Variants in SYNE1 observed in about 807,000 individuals in gnomAD.
SYNE1 encodes the protein nesprin-1.
In SYNE1, 616 loss-of-function variants were observed where a neutral mutation model predicts 1,111.0. That is an observed-to-expected ratio of 0.55 (90% CI 0.52 to 0.59). The LOEUF (loss-of-function observed/expected upper bound fraction) is 0.59. SYNE1 is among the 20% of genes least tolerant of loss of function. SYNE1 has a pLI of 0.00. For missense variants in SYNE1, 10,006 were observed against 10,417.0 expected, an observed-to-expected ratio of 0.96 and a Z score of 1.72; for synonymous variants, 3,855 against 3,825.8, an observed-to-expected ratio of 1.01 and a Z score of -0.28.
chr6:152,153,310 G>C (rs536246580), intron 133 of SYNE1, among the ~76,000 whole-genome samples: 186 of 152,238 alleles, frequency 1.2e-3, no homozygotes, highest in African/African-American at 4.3e-3. Context: ...TGCCCACTGG[G>C]GTAAGGTTGG....
chr6:152,369,045 G>A lies in SYNE1; in HGVS notation c.9734C>T (p.Ala3245Val). Reference sequence around the variant, plus strand: ...TCTGTGCCTAAAGCTCTTGCTGGCAGCTTGTCCTTCCCACAGCTGCTGAGC... The same window carrying A: ...TCTGTGCCTAAAGCTCTTGCTGGCAACTTGTCCTTCCCACAGCTGCTGAGC... The part of the protein sequence containing the change: ...EKAQQLWEGQ[A>V]ASKSFRHRVS... The change falls in exon 61 of 146, where the codon GCT becomes GTT. Residue 3245 changes from alanine (A) to valine (V), a missense_variant. Physicochemically the swap from Ala to Val is moderately conservative, Grantham distance 64. This residue lies in a region of SYNE1 where 4,955 missense variants were observed against 5,017.2 expected (regional missense o/e 0.99). Coordinates refer to ENST00000367255, the MANE Select transcript of SYNE1 (RefSeq NM_182961.4). 6.2e-7 allele frequency: 1 copy of A among 1,614,220 alleles called. No homozygotes were observed. The highest frequency in any genetic ancestry group is 2.2e-5 in the East Asian group (1 of 44,880).
At chr6:152,216,168 A>G (rs2078606727) in intron 121 of SYNE1, among the ~76,000 whole-genome samples, 1 of 152,226 alleles carries the variant, frequency 6.6e-6, no homozygotes, top group Admixed American at 6.5e-5. Context: ...TGAAGAAAGA[A>G]TAAATCTCAA....
chr6:152,599,480 AG>A (rs2099591009), intron 3 of SYNE1, among the ~76,000 whole-genome samples: 1 of 152,246 alleles, frequency 6.6e-6, no homozygotes, highest in Non-Finnish European at 1.5e-5. Context: ...TAACGACAAA[AG>A]AACAATAAAT....
At chr6:152,388,825 C>A (rs1419745519) in intron 53 of SYNE1, among the ~76,000 whole-genome samples, 1 of 152,216 alleles carries the variant, frequency 6.6e-6, no homozygotes, top group Admixed American at 6.5e-5. Flanking sequence ...AGTCTGCTTC[C>A]TGCATGTAAC....
chr6:152,606,327 C>T (rs2099614700), intron 3 of SYNE1, among the ~76,000 whole-genome samples: 1 of 152,166 alleles, frequency 6.6e-6, no homozygotes, highest in African/African-American at 2.4e-5. Flanking sequence ...CCTAAACCAG[C>T]TTCCAAAGAG....
At chr6:152,505,850 G>A (rs1245207148) in intron 8 of SYNE1, among the ~76,000 whole-genome samples, 7 of 152,264 alleles carry the variant, frequency 4.6e-5, no homozygotes, top group Admixed American at 6.5e-5. Context: ...GAGCTAACAC[G>A]TTTCTAATGG....
At chr6:152,569,064 T>C (rs993213203) in intron 3 of SYNE1, among the ~76,000 whole-genome samples, 1 of 152,202 alleles carries the variant, frequency 6.6e-6, no homozygotes, top group Non-Finnish European at 1.5e-5. Flanking sequence ...CTAGTCTCAG[T>C]ATTATCATAC....
At chr6:152,134,963 G>T in intron 142 of SYNE1, 141 bp downstream of exon 142, 1 of 1,090,318 alleles carries the variant, frequency 9.2e-7, no homozygotes. Context: ...ACCACAGGGA[G>T]TTAAAAAAGT....
chr6:152,474,157 C>T (rs1255731387), intron 14 of SYNE1, among the ~76,000 whole-genome samples: 1 of 150,038 alleles, frequency 6.7e-6, no homozygotes. Flanking sequence ...TGCACTCCAG[C>T]CTGGGCAACA....
At chr6:152,529,715 C>T (rs921656341) in intron 4 of SYNE1, among the ~76,000 whole-genome samples, 22 of 152,202 alleles carry the variant, frequency 1.4e-4, no homozygotes, top group African/African-American at 5.3e-4. Context: ...TGAATGACCT[C>T]TCCCTTCCCA....
intron 93 of SYNE1, among the ~76,000 whole-genome samples, chr6:152,294,604 A>G (rs1160371518): frequency 6.6e-6 from 1 of 152,170 alleles, no homozygotes; most frequent in East Asian, 1.9e-4. Context: ...TGGGTTCATC[A>G]TTTGCTGAAT....
rs73783832 is a variant in SYNE1, at chr6:152,322,574, C to T, written c.15918-688G>A. ...CGATGGCTATTATTTACCTGGACTG[C>T]GCTCCTATATCCCTGTCACCCCAGA... is the stretch of plus-strand genomic sequence containing the variant. On this transcript the variant is annotated intron_variant, in intron 82 of 145. Coordinates refer to ENST00000367255, the MANE Select transcript of SYNE1 (RefSeq NM_182961.4). 2.8e-3 allele frequency among the ~76,000 whole-genome samples: 431 copies of T among 152,248 alleles called. 1 individual carries two copies. The highest frequency in any genetic ancestry group is 0.01 in the African/African-American group (421 of 41,542).
intron 127 of SYNE1, among the ~76,000 whole-genome samples, chr6:152,200,908 T>C (rs1039124763): frequency 1.1e-4 from 17 of 152,198 alleles, no homozygotes; most frequent in African/African-American, 2.7e-4. Flanking sequence ...AAAATTCTTA[T>C]AGCCACACTT....
chr6:152,227,999 A>C (rs2081989854), intron 115 of SYNE1, among the ~76,000 whole-genome samples: 1 of 152,196 alleles, frequency 6.6e-6, no homozygotes, highest in African/African-American at 2.4e-5. Flanking sequence ...TATCAGTTTT[A>C]TGTTGGTTTA....
In SYNE1 at chr6:152,221,530, T is replaced by A; in HGVS notation, c.21552A>T (p.Glu7184Asp). ...TAGAGCCAAATTTCTGTAAGCTCCT[T>A]TCCTGTTTTTCCAGATCATCTTGGA... Reference protein sequence around the residue: ...QNLQDDLEKQERSLQKFGSIT... With the variant: ...QNLQDDLEKQDRSLQKFGSIT... Residue 7184 changes from glutamate to aspartate, a missense_variant, in exon 118 of 146, where the codon GAA becomes GAT. Around this residue, in one of 7 missense-constraint regions of SYNE1, gnomAD observed 2,182 missense variants for 2,287.8 expected, o/e 0.95. Transcript: ENST00000367255. 6.2e-7 allele frequency: 1 copy of A among 1,613,926 alleles called. No homozygotes were observed. The highest frequency in any genetic ancestry group is 8.5e-7 in the Non-Finnish European group (1 of 1,179,920).
chr6:152,264,432 G>C (rs1039950630), intron 100 of SYNE1, among the ~76,000 whole-genome samples: 2 of 151,928 alleles, frequency 1.3e-5, no homozygotes, highest in Non-Finnish European at 2.9e-5. Context: ...GTACCCCAAA[G>C]CCAATTATTC....
intron 3 of SYNE1, among the ~76,000 whole-genome samples, chr6:152,554,560 T>C (rs999202241): frequency 6.6e-5 from 10 of 152,164 alleles, no homozygotes; most frequent in African/African-American, 2.4e-5. Flanking sequence ...TCTTAGTTTT[T>C]TTTATCAGTT....
intron 40 of SYNE1, among the ~76,000 whole-genome samples, chr6:152,417,390 C>T (rs1014134409): frequency 1.3e-5 from 2 of 152,006 alleles, no homozygotes; most frequent in Admixed American, 6.6e-5. Context: ...CCCAGCTACT[C>T]GGGAGGCTGA....
intron 39 of SYNE1, among the ~76,000 whole-genome samples, chr6:152,423,760 T>C (rs956738339): frequency 2.6e-5 from 4 of 152,214 alleles, no homozygotes; most frequent in African/African-American, 9.6e-5. Flanking sequence ...GACACAGCTC[T>C]GCCCCATATT....
Sources: allele counts gnomAD v4.1 joint callset (sites outside exome capture counted in the v4.1 genomes callset), GRCh38; gene constraint gnomAD v4.1.1; regional missense constraint gnomAD v4.1.1; transcripts MANE v1.5; gene names NCBI Gene and HGNC (gene_info 2026-07-23, HGNC 2026-07-21).